GDPD4: variants seen among roughly 807,000 people sequenced by gnomAD.
GDPD4 encodes glycerophosphodiester phosphodiesterase domain containing 4.
Under a neutral mutation model 67.8 loss-of-function variants are expected in GDPD4, and 60 were observed. That is an observed-to-expected ratio of 0.88 (90% CI 0.72 to 1.10). The LOEUF (loss-of-function observed/expected upper bound fraction) is 1.10, where lower values mean the gene tolerates loss of function less well. GDPD4 is among the 50% of genes least tolerant of loss of function. GDPD4 has a pLI of 0.00. For missense variants in GDPD4, 623 were observed against 613.9 expected, an observed-to-expected ratio of 1.01 and a Z score of -0.16; for synonymous variants, 212 against 210.9, an observed-to-expected ratio of 1.00 and a Z score of -0.04.
At chr11:77,295,235 G>A (rs1000664653) in intron 1 of GDPD4, among the ~76,000 whole-genome samples, 13 of 151,580 alleles carry the variant, frequency 8.6e-5, no homozygotes, top group Admixed American at 2.6e-4. Context: ...GGATCTGCCC[G>A]CCTCAGCCTC....
chr11:77,236,827 G>A (rs1007108907), intron 13 of GDPD4, among the ~76,000 whole-genome samples: 9 of 152,074 alleles, frequency 5.9e-5, no homozygotes, highest in Admixed American at 2.6e-4. Context: ...AGCAGTATAA[G>A]GAACCATTCA....
intron 11 of GDPD4, among the ~76,000 whole-genome samples, chr11:77,256,438 G>C (rs556958589): frequency 1.3e-5 from 2 of 152,306 alleles, no homozygotes; most frequent in South Asian, 4.1e-4. Context: ...GTACTCCTAT[G>C]AGGACAAATA....
intron 11 of GDPD4, among the ~76,000 whole-genome samples, chr11:77,247,324 C>T (rs1196936519): frequency 1.3e-5 from 2 of 152,162 alleles, no homozygotes; most frequent in Admixed American, 6.5e-5. Context: ...AACTATTAAA[C>T]CTTCTTGTGA....
chr11:77,289,095 C>T (rs1331631644), intron 1 of GDPD4, among the ~76,000 whole-genome samples: 1 of 150,826 alleles, frequency 6.6e-6, no homozygotes, highest in Non-Finnish European at 1.5e-5. Flanking sequence ...CCTGGCTGGG[C>T]ACTGTGGCTC....
chr11:77,233,199 G>T, intron 13 of GDPD4, 27 bp from the exon 14 acceptor site: 1 of 1,605,708 alleles, frequency 6.2e-7, no homozygotes, highest in Non-Finnish European at 8.5e-7. Flanking sequence ...ACCCACAGGG[G>T]ATTTAGATCA....
chr11:77,229,063 G>C (rs1958403194), intron 15 of GDPD4, 87 bp downstream of exon 15: 3 of 626,816 alleles, frequency 4.8e-6, no homozygotes, highest in Non-Finnish European at 8.2e-6. Context: ...GGGATTACGG[G>C]AAGAGCGTAA....
intron 13 of GDPD4, among the ~76,000 whole-genome samples, chr11:77,236,310 T>C (rs1591535999): frequency 6.6e-6 from 1 of 152,176 alleles, no homozygotes; most frequent in South Asian, 2.1e-4. Flanking sequence ...ATTAGGTATA[T>C]CTCCTAATGC....
At chr11:77,260,329 G>GC (rs887088976) in intron 10 of GDPD4, among the ~76,000 whole-genome samples, 5 of 142,464 alleles carry the variant, frequency 3.5e-5, no homozygotes, top group African/African-American at 1.5e-4. Context: ...GGTCGGGGGA[G>GC]GGGGGGGAAT....
chr11:77,253,044 C>G (rs1270682436), intron 11 of GDPD4, among the ~76,000 whole-genome samples: 1 of 152,198 alleles, frequency 6.6e-6, no homozygotes, highest in Non-Finnish European at 1.5e-5. Context: ...CAGAGTCTCA[C>G]AAACCTATTT....
In GDPD4 at chr11:77,277,547, C is replaced by T. The variant is rs112029176; in HGVS notation, c.148-1327G>A. Among the ~76,000 whole-genome samples, 528 of 151,384 alleles carry T rather than the reference C, an allele frequency of 3.5e-3. 1 individual carries two copies. Among genetic ancestry groups the T allele is most frequent in the African/African-American group, 0.011 (470 of 41,362 alleles). On this transcript the variant is annotated intron_variant, in intron 4 of 16. Coordinates refer to ENST00000315938, the MANE Select transcript of GDPD4 (RefSeq NM_182833.3). ...CCTCCCGAGTAGCTGGGACTATGGG[C>T]GCCCGCCACCACGCCTGGCTAATTT...
chr11:77,289,447 C>A (rs1399981180), intron 1 of GDPD4, among the ~76,000 whole-genome samples: 1 of 146,756 alleles, frequency 6.8e-6, no homozygotes, highest in Non-Finnish European at 1.5e-5. Context: ...GCCGGCTGGC[C>A]ATAGTGGCTT....
At chr11:77,239,799 A>C (rs765761055) in intron 13 of GDPD4, among the ~76,000 whole-genome samples, 2 of 152,008 alleles carry the variant, frequency 1.3e-5, no homozygotes, top group Non-Finnish European at 2.9e-5. Flanking sequence ...GGTCTCTACT[A>C]AAAATATAAA....
chr11:77,276,695 A>G (rs1470312118), intron 4 of GDPD4, among the ~76,000 whole-genome samples: 3 of 152,206 alleles, frequency 2.0e-5, no homozygotes, highest in Non-Finnish European at 4.4e-5. Context: ...TAACACTGGT[A>G]TAGATTCAAC....
intron 4 of GDPD4, among the ~76,000 whole-genome samples, 172 bp from the exon 5 acceptor site, chr11:77,276,392 G>T (rs1158361630): frequency 6.6e-6 from 1 of 152,020 alleles, no homozygotes; most frequent in Non-Finnish European, 1.5e-5. Context: ...GCCTGAAAAA[G>T]CTCCCTCTCC....
chr11:77,270,434 T>C (rs1470536697), intron 7 of GDPD4, among the ~76,000 whole-genome samples: 1 of 152,196 alleles, frequency 6.6e-6, no homozygotes, highest in Non-Finnish European at 1.5e-5. Flanking sequence ...ACTACTAATA[T>C]TTGCCGGGCG....
At chr11:77,251,897 T>A (rs946518935) in intron 11 of GDPD4, among the ~76,000 whole-genome samples, 2 of 151,974 alleles carry the variant, frequency 1.3e-5, no homozygotes, top group African/African-American at 4.8e-5. Context: ...TTCTCATTTC[T>A]TTTTTTCTCC....
intron 11 of GDPD4, among the ~76,000 whole-genome samples, chr11:77,254,031 A>G (rs370161285): frequency 1.1e-4 from 17 of 152,158 alleles, no homozygotes; most frequent in African/African-American, 3.9e-4. Context: ...GTAGTTTAGC[A>G]TAAGGGATGA....
At chr11:77,277,880 T>C (rs1039510684) in intron 4 of GDPD4, among the ~76,000 whole-genome samples, 5 of 152,054 alleles carry the variant, frequency 3.3e-5, no homozygotes, top group African/African-American at 1.2e-4. Flanking sequence ...TTTAGTGCTA[T>C]AAATTTCCCT....
At chr11:77,288,460 T>C (rs1050915175) in intron 1 of GDPD4, among the ~76,000 whole-genome samples, 1 of 152,148 alleles carries the variant, frequency 6.6e-6, no homozygotes, top group African/African-American at 2.4e-5. Flanking sequence ...GCCTGCCTGA[T>C]TTCCCCATTC....
Sources: allele counts gnomAD v4.1 joint callset (sites outside exome capture counted in the v4.1 genomes callset), GRCh38; gene constraint gnomAD v4.1.1; transcripts MANE v1.5; gene names NCBI Gene and HGNC (gene_info 2026-07-23, HGNC 2026-07-21).